The following GRIK4 variants were observed in gnomAD, a reference collection of about 807,000 sequenced individuals.
GRIK4 encodes the protein glutamate ionotropic receptor kainate type subunit 4.
Under a neutral mutation model 104.9 loss-of-function variants are expected in GRIK4, and 40 were observed. That is an observed-to-expected ratio of 0.38 (90% CI 0.30 to 0.50). The LOEUF (loss-of-function observed/expected upper bound fraction) is 0.50. Among genes scored for constraint, GRIK4 ranks in the 20% least tolerant of loss-of-function variants. The pLI, the probability that GRIK4 is intolerant of heterozygous loss-of-function variation, is 0.93. For missense variants in GRIK4, 1,047 were observed against 1,308.1 expected (o/e 0.80, Z 3.08); for synonymous variants, 485 against 524.9 (o/e 0.92, Z 1.04).
intron 6 of GRIK4, among the ~76,000 whole-genome samples, chr11:120,823,157 C>T (rs943232334): frequency 6.6e-6 from 1 of 152,214 alleles, no homozygotes; most frequent in African/African-American, 2.4e-5. Context: ...GTCCTGCAGT[C>T]TTCCTCAATG....
intron 18 of GRIK4, among the ~76,000 whole-genome samples, chr11:120,965,613 A>C (rs748548768): frequency 6.6e-6 from 1 of 152,212 alleles, no homozygotes; most frequent in South Asian, 2.1e-4. Flanking sequence ...TGGGCGTCCA[A>C]GCATAGTTGT....
intron 3 of GRIK4, among the ~76,000 whole-genome samples, chr11:120,723,618 C>T (rs1950971314): frequency 6.6e-6 from 1 of 152,136 alleles, no homozygotes; most frequent in African/African-American, 2.4e-5. Flanking sequence ...GACCTTCAGC[C>T]CAAGTGTTGA....
chr11:120,754,180 G>A (rs886584770), intron 3 of GRIK4, among the ~76,000 whole-genome samples: 3 of 151,980 alleles, frequency 2.0e-5, no homozygotes, highest in South Asian at 4.2e-4. Context: ...ACAGGCGCCC[G>A]CCACCGTGCC....
chr11:120,855,708 C>G (rs1954088203), intron 8 of GRIK4, among the ~76,000 whole-genome samples: 1 of 152,114 alleles, frequency 6.6e-6, no homozygotes, highest in African/African-American at 2.4e-5. Context: ...CAGGCAGATG[C>G]CACACAACCA....
intron 3 of GRIK4, among the ~76,000 whole-genome samples, chr11:120,764,569 C>A (rs2135446239): frequency 6.6e-6 from 1 of 151,534 alleles, no homozygotes; most frequent in South Asian, 2.1e-4. Context: ...TTTGTTTTTG[C>A]AGTGGTTGAT....
intron 9 of GRIK4, chr11:120,871,903 T>C: frequency 2.2e-6 from 1 of 456,278 alleles, no homozygotes; most frequent in Non-Finnish European, 4.4e-6. Flanking sequence ...ACTGTTTTGC[T>C]CTGTAATTGC....
chr11:120,844,863 C>A (rs1953812399), intron 8 of GRIK4, among the ~76,000 whole-genome samples: 1 of 152,152 alleles, frequency 6.6e-6, no homozygotes, highest in Non-Finnish European at 1.5e-5. Context: ...ACCTGAGGCC[C>A]AGGGTTGGCA....
chr11:120,752,215 G>A (rs1951568229), intron 3 of GRIK4, among the ~76,000 whole-genome samples: 1 of 152,306 alleles, frequency 6.6e-6, no homozygotes, highest in East Asian at 1.9e-4. Flanking sequence ...GGAGCAGGAG[G>A]TCTGATTTAA....
intron 19 of GRIK4, among the ~76,000 whole-genome samples, chr11:120,975,365 T>G (rs1944544163): frequency 1.3e-5 from 2 of 152,190 alleles, no homozygotes; most frequent in South Asian, 4.1e-4. Flanking sequence ...GAAACCTGAA[T>G]ATGGGAATTT....
intron 3 of GRIK4, among the ~76,000 whole-genome samples, chr11:120,747,004 A>C (rs1233294335): frequency 2.0e-5 from 3 of 152,186 alleles, no homozygotes; most frequent in Admixed American, 1.3e-4. Context: ...GCTTGCTCTA[A>C]GAATGAAATG....
intron 1 of GRIK4, among the ~76,000 whole-genome samples, chr11:120,633,104 G>A (rs1411587118): frequency 2.0e-5 from 3 of 152,112 alleles, no homozygotes; most frequent in African/African-American, 7.2e-5. Context: ...GCTGCCCACA[G>A]AGCCACCAGC....
At chr11:120,919,775 G>A (rs1189083335) in intron 13 of GRIK4, among the ~76,000 whole-genome samples, 1 of 152,184 alleles carries the variant, frequency 6.6e-6, no homozygotes, top group Non-Finnish European at 1.5e-5. Context: ...GCGTTTCAGA[G>A]GTAAAAGGGA....
At position 120,528,521 on chromosome 11, in the gene GRIK4, C is replaced by G. The variant is rs112905766; in HGVS notation, c.-159+16634C>G. Among the ~76,000 whole-genome samples the G allele has an allele frequency of 6.9e-3, 1,055 of 152,280 alleles. 5 individuals are homozygous for G. Among genetic ancestry groups the G allele is most frequent in the Middle Eastern group, 0.041 (12 of 294 alleles). On this transcript the variant is annotated intron_variant, in intron 1 of 20. Coordinates refer to ENST00000527524, the MANE Select transcript of GRIK4 (RefSeq NM_014619.5). ...ATGGGGGACCCTTCTTTCCTCTGAG[C>G]CTGTCTTAGGGAACCCATCTGTATT...
chr11:120,895,153 G>A (rs1942543053), intron 11 of GRIK4, among the ~76,000 whole-genome samples: 1 of 152,224 alleles, frequency 6.6e-6, no homozygotes, highest in Non-Finnish European at 1.5e-5. Flanking sequence ...CATGGCTTGG[G>A]TCAGACCAGG....
At chr11:120,984,480 G>T (rs1218512422) in intron 20 of GRIK4, among the ~76,000 whole-genome samples, 1 of 152,182 alleles carries the variant, frequency 6.6e-6, no homozygotes, top group East Asian at 1.9e-4. Context: ...AGTAATACAG[G>T]CCCATCGGCC....
intron 3 of GRIK4, among the ~76,000 whole-genome samples, chr11:120,734,078 A>G (rs1015024200): frequency 1.3e-5 from 2 of 152,168 alleles, no homozygotes; most frequent in African/African-American, 4.8e-5. Flanking sequence ...ACATCCCACA[A>G]TTCCAGGATT....
At chr11:120,618,607 G>A (rs762244062) in intron 1 of GRIK4, among the ~76,000 whole-genome samples, 4 of 152,206 alleles carry the variant, frequency 2.6e-5, no homozygotes, top group African/African-American at 7.2e-5. Flanking sequence ...TAATGGTGTC[G>A]TGGGCCAGGC....
At chr11:120,641,545 CCTTTT>C (rs1949472234) in intron 1 of GRIK4, among the ~76,000 whole-genome samples, 1 of 152,156 alleles carries the variant, frequency 6.6e-6, no homozygotes, top group East Asian at 1.9e-4. Flanking sequence ...GGGTTCCTCC[CCTTTT>C]TAGACCATAT....
chr11:120,726,671 G>A (rs778471620), intron 3 of GRIK4, among the ~76,000 whole-genome samples: 1 of 152,116 alleles, frequency 6.6e-6, no homozygotes, highest in African/African-American at 2.4e-5. Flanking sequence ...GGGGAAATTG[G>A]CTTATTTTGG....
Sources: gnomAD v4.1 joint callset for allele counts (sites outside exome capture counted in the v4.1 genomes callset) on GRCh38, gnomAD v4.1.1 for gene constraint, MANE v1.5 for transcripts, NCBI Gene and HGNC (gene_info 2026-07-23, HGNC 2026-07-21) for gene names.